GABRB3: variants seen among roughly 807,000 people sequenced by gnomAD.
GABRB3 encodes the protein gamma-aminobutyric acid type A receptor subunit beta3.
GABRB3 carries 14 observed loss-of-function variants against 52.1 expected under a neutral mutation model. That is an observed-to-expected ratio of 0.27 (90% CI 0.18 to 0.42). The LOEUF is 0.42. Among genes scored for constraint, GABRB3 ranks in the 10% least tolerant of loss-of-function variants. GABRB3 has a pLI of 1.00. For synonymous variants in GABRB3, 260 were observed against 232.3 expected, an observed-to-expected ratio of 1.12 and a Z score of -1.08; for missense variants, 307 against 609.1, an observed-to-expected ratio of 0.50 and a Z score of 5.22.
chr15:26,703,894 A>C (rs1889013836), intron 3 of GABRB3, among the ~76,000 whole-genome samples: 1 of 152,148 alleles, frequency 6.6e-6, no homozygotes, highest in Non-Finnish European at 1.5e-5. Context: ...TGCGGGACCC[A>C]CACCTTAGCT....
intron 4 of GABRB3, among the ~76,000 whole-genome samples, chr15:26,593,289 ACAAT>A (rs1259285031): frequency 2.0e-5 from 3 of 152,208 alleles, no homozygotes; most frequent in Non-Finnish European, 4.4e-5. Context: ...TAAACATGAA[ACAAT>A]CAAAAAAATT....
At chr15:26,554,129 A>ATATATATATATAAAG (rs1205258428) in intron 8 of GABRB3, among the ~76,000 whole-genome samples, 3 of 32,828 alleles carry the variant, frequency 9.1e-5, no homozygotes, top group Admixed American at 6.0e-4. Context: ...GTGTGTGTGT[A>ATATATATATATAAAG]TATATATATA....
At chr15:26,606,816 A>ATATCTATCGATAGATATATC (rs377212854) in intron 4 of GABRB3, among the ~76,000 whole-genome samples, 6 of 57,398 alleles carry the variant, frequency 1.0e-4, no homozygotes, top group Non-Finnish European at 2.4e-4. Context: ...ATAGATAGAT[A>ATATCTATCGATAGATATATC]GATAGATAGA....
intron 3 of GABRB3, among the ~76,000 whole-genome samples, chr15:26,622,262 C>T (rs2873027): frequency 0.36 from 54,968 of 151,972 alleles, 10,633 homozygotes; most frequent in Middle Eastern, 0.47. Flanking sequence ...ACCAAATATC[C>T]ACGTGATGGT....
intron 4 of GABRB3, among the ~76,000 whole-genome samples, chr15:26,583,778 A>ATT (rs572548858): frequency 0.17 from 23,331 of 140,786 alleles, 2,094 homozygotes; most frequent in Non-Finnish European, 0.19. Context: ...TGTATCACCT[A>ATT]TTTTTTTTTT....
chr15:26,740,367 T>G (rs1890170270), intron 3 of GABRB3, among the ~76,000 whole-genome samples: 1 of 151,288 alleles, frequency 6.6e-6, no homozygotes, highest in Non-Finnish European at 1.5e-5. Context: ...GGAGAGGGGG[T>G]TCACTATGAG....
At chr15:26,752,277 ATTTT>A (rs1464503242) in intron 3 of GABRB3, among the ~76,000 whole-genome samples, 1 of 136,578 alleles carries the variant, frequency 7.3e-6, no homozygotes, top group East Asian at 2.0e-4. Context: ...TTATTTATTT[ATTTT>A]GAGAGGGAGT....
chr15:26,583,931 C>G (rs796209005), intron 4 of GABRB3, among the ~76,000 whole-genome samples: 2 of 151,914 alleles, frequency 1.3e-5, no homozygotes, highest in Non-Finnish European at 2.9e-5. Flanking sequence ...CCTGCCACCA[C>G]GCCCAGCTAA....
chr15:26,606,789 TATAGATAGATATATCTATAGATAGATAG>T lies in GABRB3; in HGVS notation c.461+14497_461+14524del, dbSNP rs1891828975. 1.1e-4 allele frequency among the ~76,000 whole-genome samples: 13 copies of T among 122,776 alleles called. 1 individual carries two copies. The highest frequency in any genetic ancestry group is 5.1e-4 in the South Asian group (2 of 3,888). The allele number at this position is 122,776 out of a possible 152,430, so 80.5% of individuals were successfully genotyped here. On this transcript the variant is annotated intron_variant, in intron 4 of 8. Transcript: ENST00000311550. ...CTATCTATAGATAGATAGATATATCTATAGATAGATATATCTATAGATAGATAGATAGATAGATAGATAGATAGATAGA... is the reference window on the plus strand; with the variant it reads ...CTATCTATAGATAGATAGATATATCTATAGATAGATAGATAGATAGATAGA...
At chr15:26,612,012 T>C (rs748750432) in intron 4 of GABRB3, 1 of 152,240 alleles carries the variant, frequency 6.6e-6, no homozygotes, top group Non-Finnish European at 1.5e-5. Flanking sequence ...ACTAGTCACA[T>C]GCCTGAAGTA....
chr15:26,679,796 G>A (rs542520801), intron 3 of GABRB3, among the ~76,000 whole-genome samples: 18 of 152,182 alleles, frequency 1.2e-4, no homozygotes, highest in Admixed American at 4.6e-4. Context: ...CTGGGGCTGG[G>A]ACCCACTGGA....
intron 3 of GABRB3, among the ~76,000 whole-genome samples, chr15:26,728,887 T>G (rs1311971115): frequency 6.6e-6 from 1 of 152,198 alleles, no homozygotes; most frequent in East Asian, 1.9e-4. Flanking sequence ...TGCATATGGT[T>G]ACATAAATTT....
intron 5 of GABRB3, chr15:26,580,722 T>C: frequency 3.8e-6 from 2 of 529,172 alleles, no homozygotes; most frequent in East Asian, 3.6e-5. Context: ...ATTTGCGAAG[T>C]GTAACTTCAG....
intron 8 of GABRB3, among the ~76,000 whole-genome samples, chr15:26,549,013 G>A (rs1240375888): frequency 6.6e-6 from 1 of 152,116 alleles, no homozygotes; most frequent in African/African-American, 2.4e-5. Context: ...ACTCCAGCAA[G>A]CCCCACACTT....
chr15:26,680,305 T>A (rs1004481368), intron 3 of GABRB3, among the ~76,000 whole-genome samples: 1 of 152,196 alleles, frequency 6.6e-6, no homozygotes, highest in Non-Finnish European at 1.5e-5. Context: ...TCTCTCTATA[T>A]ACATCCTATT....
intron 3 of GABRB3, among the ~76,000 whole-genome samples, chr15:26,701,935 C>G (rs187522036): frequency 6.6e-6 from 1 of 152,172 alleles, no homozygotes; most frequent in East Asian, 1.9e-4. Context: ...TGAAACATAC[C>G]TGAACAACAG....
chr15:26,626,478 A>G (rs559319913), intron 3 of GABRB3, among the ~76,000 whole-genome samples: 17 of 152,304 alleles, frequency 1.1e-4, no homozygotes, highest in Admixed American at 7.2e-4. Context: ...GATGTGCAAA[A>G]GATTTTTATA....
At chr15:26,578,861 C>A (rs1012656094) in intron 6 of GABRB3, among the ~76,000 whole-genome samples, 1 of 152,204 alleles carries the variant, frequency 6.6e-6, no homozygotes, top group African/African-American at 2.4e-5. Flanking sequence ...CACAGGCCAA[C>A]GTTCTTGGTT....
rs778479790 is a variant in GABRB3, at chr15:26,772,394, G to A, written c.240+8C>T. The A allele has an allele frequency of 6.2e-7, 1 of 1,605,568 alleles. No homozygotes were observed. The highest frequency in any genetic ancestry group is 8.5e-7 in the Non-Finnish European group (1 of 1,175,664). The stretch of plus-strand genomic sequence containing the variant: ...CTCAGGGACCGCCCTGGGAGGGCGG[G>A]CACTCACCATGTTGACTTCGGAAAC... On this transcript the variant is annotated splice_region_variant and intron_variant, in intron 3 of 8. Transcript: ENST00000311550.
Sources: gnomAD v4.1 joint callset for allele counts (sites outside exome capture counted in the v4.1 genomes callset) on GRCh38, gnomAD v4.1.1 for gene constraint, MANE v1.5 for transcripts, NCBI Gene and HGNC (gene_info 2026-07-23, HGNC 2026-07-21) for gene names.